The following TUSC7 variants were observed in gnomAD, a reference collection of about 807,000 sequenced individuals.
The protein encoded by TUSC7 is LSAMP antisense RNA 3.
intron 1 of TUSC7, among the ~76,000 whole-genome samples, chr3:116,711,137 A>G (rs1291809258): frequency 6.6e-6 from 1 of 152,212 alleles, no homozygotes; most frequent in African/African-American, 2.4e-5. Context: ...TGACTAGGCC[A>G]ATATCTAAGA....
intron 1 of TUSC7, chr3:116,716,979 T>C (rs554095965): frequency 6.6e-6 from 1 of 152,244 alleles, no homozygotes; most frequent in East Asian, 1.9e-4. Context: ...TGGAGACAGG[T>C]TTAATTTTAC....
Position 116,713,374 on chromosome 3 carries a change from C to T in TUSC7, n.98+3498C>T, listed in dbSNP as rs540895158. ...CCTAAGGTCATTCACTAATGCAAGACGTTGAGACCCACTTAATATAATATA... is the reference window on the plus strand; with the variant it reads ...CCTAAGGTCATTCACTAATGCAAGATGTTGAGACCCACTTAATATAATATA... On this transcript the variant is annotated intron_variant and non_coding_transcript_variant, in intron 1 of 2. Transcript: ENST00000477805. Among the ~76,000 whole-genome samples the T allele has an allele frequency of 5.3e-5, 8 of 152,286 alleles. No individual in the cohort carries two copies. The East Asian group carries it at 7.7e-4, about 15-fold the overall frequency.
intron 1 of TUSC7, chr3:116,716,562 CAA>C (rs1309674791): frequency 6.6e-6 from 1 of 152,178 alleles, no homozygotes; most frequent in Non-Finnish European, 1.5e-5. Context: ...GTAACTAAAA[CAA>C]AGAAAGCTGA....
chr3:116,711,389 A>G (rs1030814895), intron 1 of TUSC7, among the ~76,000 whole-genome samples: 1 of 152,182 alleles, frequency 6.6e-6, no homozygotes, highest in Non-Finnish European at 1.5e-5. Flanking sequence ...GCTAGATTCT[A>G]TAATAGCAAT....
chr3:116,710,416 G>C (rs1035810541), intron 1 of TUSC7: 1 of 152,122 alleles, frequency 6.6e-6, no homozygotes, highest in Non-Finnish European at 1.5e-5. Context: ...TGTGGGAGAG[G>C]AGCAGGTATA....
At chr3:116,710,135 T>C (rs1213895973) in intron 1 of TUSC7, 3 of 152,174 alleles carry the variant, frequency 2.0e-5, no homozygotes, top group Admixed American at 2.0e-4. Context: ...AATTTTAAAA[T>C]AGTTTCCCAA....
chr3:116,713,844 T>C (rs2051483232), intron 1 of TUSC7, among the ~76,000 whole-genome samples: 1 of 152,068 alleles, frequency 6.6e-6, no homozygotes, highest in South Asian at 2.1e-4. Flanking sequence ...TGCATACCCG[T>C]AATCTCAGCT....
At chr3:116,713,490 G>T (rs1446777053) in intron 1 of TUSC7, among the ~76,000 whole-genome samples, 2 of 152,154 alleles carry the variant, frequency 1.3e-5, no homozygotes, top group Non-Finnish European at 2.9e-5. Flanking sequence ...CTTGTGTTTT[G>T]TTGCCTTCAA....
intron 1 of TUSC7, chr3:116,710,510 G>A (rs536580281): frequency 2.6e-5 from 4 of 152,182 alleles, no homozygotes; most frequent in Middle Eastern, 3.4e-3. Flanking sequence ...GCCATACAAT[G>A]AGATAGAAGA....
intron 1 of TUSC7, among the ~76,000 whole-genome samples, chr3:116,711,339 T>G (rs1430503893): frequency 6.6e-6 from 1 of 152,200 alleles, no homozygotes; most frequent in Non-Finnish European, 1.5e-5. Context: ...AGATGGGTTG[T>G]CTTAACTAAA....
intron 1 of TUSC7, among the ~76,000 whole-genome samples, chr3:116,715,304 T>C (rs1418542462): frequency 6.6e-6 from 1 of 152,224 alleles, no homozygotes; most frequent in African/African-American, 2.4e-5. Context: ...GGCTGGTTTT[T>C]GTGTGGATAT....
chr3:116,715,072 G>T (rs1279665394), intron 1 of TUSC7, among the ~76,000 whole-genome samples: 3 of 152,124 alleles, frequency 2.0e-5, no homozygotes, highest in Non-Finnish European at 4.4e-5. Flanking sequence ...TTAATAGTTA[G>T]AATGATACAG....
intron 1 of TUSC7, among the ~76,000 whole-genome samples, chr3:116,715,178 AC>A (rs1179584993): frequency 6.0e-4 from 92 of 152,242 alleles, no homozygotes; most frequent in African/African-American, 2.2e-3. Context: ...TTTCTTTTTA[AC>A]ATTGAATAAT....
chr3:116,714,934 A>G lies in TUSC7; in HGVS notation n.99-2827A>G, dbSNP rs144796459. The stretch of plus-strand genomic sequence containing the variant: ...ACATATATGACATATCTATACCACT[A>G]TAGTATTGTACAGAGGATTTTCACT... On this transcript the variant is annotated intron_variant and non_coding_transcript_variant, in intron 1 of 2. Transcript: ENST00000477805. Among the ~76,000 whole-genome samples, 21 of 152,290 alleles carry G rather than the reference A, an allele frequency of 1.4e-4. No homozygotes were observed. The East Asian group carries it at 3.9e-3, about 28-fold the overall frequency.
chr3:116,715,255 T>A (rs1018887347), intron 1 of TUSC7, among the ~76,000 whole-genome samples: 1 of 152,194 alleles, frequency 6.6e-6, no homozygotes, highest in African/African-American at 2.4e-5. Context: ...TACTTCTAAG[T>A]TTTGGCAATT....
intron 1 of TUSC7, among the ~76,000 whole-genome samples, chr3:116,716,002 G>T (rs2051502255): frequency 6.6e-6 from 1 of 152,070 alleles, no homozygotes; most frequent in Non-Finnish European, 1.5e-5. Context: ...TTTGAAAAAA[G>T]TGCCCTGTGG....
At chr3:116,713,145 G>C (rs952817579) in intron 1 of TUSC7, among the ~76,000 whole-genome samples, 1 of 151,998 alleles carries the variant, frequency 6.6e-6, no homozygotes, top group Non-Finnish European at 1.5e-5. Context: ...TGAATTTAAG[G>C]CTATGTTTTA....
intron 1 of TUSC7, among the ~76,000 whole-genome samples, chr3:116,711,734 G>A (rs969060375): frequency 3.4e-4 from 51 of 152,220 alleles, no homozygotes; most frequent in African/African-American, 1.2e-3. Flanking sequence ...AATTAGGGCT[G>A]TAACGAAACT....
Position 116,715,488 on chromosome 3 carries a change from G to C in TUSC7, n.99-2273G>C, listed in dbSNP as rs564517748. ...TGCTTCACATCCTTGCCAATATTTG[G>C]TATTACCTGTGTTCAGGATTTTAGG... On this transcript the variant is annotated intron_variant and non_coding_transcript_variant, in intron 1 of 2. Coordinates refer to ENST00000477805, the Ensembl canonical transcript of TUSC7. Among the ~76,000 whole-genome samples, 137 of 152,224 alleles carry C rather than the reference G, an allele frequency of 9.0e-4. 1 individual carries two copies. The highest frequency in any genetic ancestry group is 1.6e-3 in the Admixed American group (24 of 15,290).
Sources: allele counts gnomAD v4.1 joint callset (sites outside exome capture counted in the v4.1 genomes callset), GRCh38; gene constraint gnomAD v4.1.1; transcripts MANE v1.5; gene names NCBI Gene and HGNC (gene_info 2026-07-23, HGNC 2026-07-21).